The following PHGDH variants were observed in gnomAD, a reference collection of about 807,000 sequenced individuals.
The protein encoded by PHGDH is phosphoglycerate dehydrogenase, also known as D-3-phosphoglycerate dehydrogenase.
Under a neutral mutation model 52.6 loss-of-function variants are expected in PHGDH, and 50 were observed. The ratio of observed to expected loss-of-function variants is 0.95; its 90% CI spans 0.76 to 1.20. PHGDH has a LOEUF of 1.20. Among genes scored for constraint, PHGDH ranks in the 50% most tolerant of loss-of-function variants. PHGDH has a pLI of 0.00. For synonymous variants in PHGDH, 271 were observed against 280.5 expected (o/e 0.97, Z 0.34); for missense variants, 630 against 684.6 (o/e 0.92, Z 0.89).
At position 119,744,077 on chromosome 1, in the gene PHGDH, C is replaced by G; in HGVS notation, c.*37C>G. ...ACTGGTCCCTGCCTCTGGGGCTTTT[C>G]TGAAGAAACCCACCCACTGTGATCA... On this transcript the variant is annotated 3_prime_UTR_variant, in exon 12 of 12. Coordinates refer to ENST00000641023, the MANE Select transcript of PHGDH (RefSeq NM_006623.4). 6.3e-7 allele frequency: 1 copy of G among 1,597,984 alleles called. No individual in the cohort carries two copies. The highest frequency in any genetic ancestry group is 8.6e-7 in the Non-Finnish European group (1 of 1,165,354).
In PHGDH at chr1:119,744,205, C is replaced by A. The variant is rs954680492; in HGVS notation, c.*165C>A. On this transcript the variant is annotated 3_prime_UTR_variant, in exon 12 of 12. Coordinates refer to ENST00000641023, the MANE Select transcript of PHGDH (RefSeq NM_006623.4). ...ACAGCAATAACCGTCTAATAAAGAG[C>A]CTACCCCCAACTCCTTCTGCACTTT... 8.8e-5 allele frequency: 62 copies of A among 700,772 alleles called. 2 individuals carry two copies. The South Asian group carries it at 9.3e-4, about 11-fold the overall frequency. 43.4% of individuals were successfully genotyped at this position (700,772 alleles called of 1,614,324 possible). A position where few individuals can be genotyped will look rare whatever the true frequency, so the allele number is the denominator to read the frequency against.
rs889400111 is a variant in PHGDH, at chr1:119,735,223, C to T, written c.644-72C>T. The stretch of plus-strand genomic sequence containing the variant: ...AGAGCTGGCTCAAGGAAAGGGAAGA[C>T]CTCTGGAAGCCAGGGATGAGCGTGG... On this transcript the variant is annotated intron_variant, in intron 6 of 11. Coordinates refer to ENST00000641023, the MANE Select transcript of PHGDH (RefSeq NM_006623.4). 7 of 1,597,022 alleles carry T rather than the reference C, an allele frequency of 4.4e-6. No individual in the cohort carries two copies. In the South Asian group the frequency reaches 6.6e-5, roughly 15 times the overall value.
chr1:119,744,008 C>T lies in PHGDH; in HGVS notation c.1570C>T (p.His524Tyr). 2.5e-6 allele frequency: 4 copies of T among 1,614,176 alleles called. No individual in the cohort carries two copies. Among genetic ancestry groups the T allele is most frequent in the Non-Finnish European group, 2.5e-6 (3 of 1,179,990 alleles). ...GCCCAGCCTGGAAGCGTGGAAGCAG[C>T]ATGTGACTGAAGCCTTCCAGTTCCA... is the stretch of plus-strand genomic sequence containing the variant. ...LLPSLEAWKQHVTEAFQFHF is the reference protein window; with the variant it reads ...LLPSLEAWKQYVTEAFQFHF The change falls in exon 12 of 12, where the codon CAT becomes TAT. Residue 524 changes from histidine to tyrosine, a missense_variant. Coordinates refer to ENST00000641023, the MANE Select transcript of PHGDH (RefSeq NM_006623.4).
intron 10 of PHGDH, chr1:119,742,472 G>T: frequency 2.0e-6 from 1 of 492,328 alleles, no homozygotes; most frequent in Non-Finnish European, 3.7e-6. Flanking sequence ...CTGATGCCGT[G>T]CAGGAGGCTG....
At chr1:119,718,901 T>C (rs1301727523) in intron 1 of PHGDH, among the ~76,000 whole-genome samples, 2 of 152,100 alleles carry the variant, frequency 1.3e-5, no homozygotes, top group African/African-American at 4.8e-5. Context: ...CATATTATAT[T>C]GGTGATCACA....
rs779065224 is a variant in PHGDH, at chr1:119,744,087, C to T, written c.*47C>T. ...GCCTCTGGGGCTTTTCTGAAGAAACCCACCCACTGTGATCAATAGGGAGAG... is the reference window on the plus strand; with the variant it reads ...GCCTCTGGGGCTTTTCTGAAGAAACTCACCCACTGTGATCAATAGGGAGAG... On this transcript the variant is annotated 3_prime_UTR_variant, in exon 12 of 12. Transcript: ENST00000641023. 5.7e-6 allele frequency: 9 copies of T among 1,571,958 alleles called. No individual in the cohort carries two copies. The highest frequency in any genetic ancestry group is 7.0e-6 in the Non-Finnish European group (8 of 1,141,900).
At chr1:119,738,875 A>G (rs1652061832) in intron 8 of PHGDH, among the ~76,000 whole-genome samples, 1 of 152,166 alleles carries the variant, frequency 6.6e-6, no homozygotes, top group Non-Finnish European at 1.5e-5. Flanking sequence ...CAGGACACAG[A>G]GTTCCATCAA....
In PHGDH at chr1:119,737,260, G is replaced by A. The variant is rs778892967; in HGVS notation, c.939G>A (p.Thr313=). ...FVDMVKGKSL[T]GVVNAQALTS... ...ACATGGTGAAGGGGAAATCTCTCAC[G>A]GGGGTTGTAAGTATCACCACCTGGG... is the stretch of plus-strand genomic sequence containing the variant. The change falls in exon 8 of 12, where the codon ACG becomes ACA. Residue 313 remains threonine (T), a synonymous_variant. Coordinates refer to ENST00000641023, the MANE Select transcript of PHGDH (RefSeq NM_006623.4). 8.1e-6 allele frequency: 13 copies of A among 1,613,374 alleles called. 1 individual carries two copies. The highest frequency in any genetic ancestry group is 6.7e-5 in the Admixed American group (4 of 60,014).
chr1:119,719,233 T>C (rs1651048950), intron 1 of PHGDH, among the ~76,000 whole-genome samples: 1 of 152,184 alleles, frequency 6.6e-6, no homozygotes, highest in African/African-American at 2.4e-5. Context: ...GGTGCCCATG[T>C]GACTTGTATA....
At position 119,721,384 on chromosome 1, in the gene PHGDH, C is replaced by T. The variant is rs1338527152; in HGVS notation, c.290+63C>T. Reference sequence around the variant, plus strand: ...GGGTGAGTGCGGAGACTGACCACACCTAGGGAGAAAAAACTCACTTGAGAG... The same window carrying T: ...GGGTGAGTGCGGAGACTGACCACACTTAGGGAGAAAAAACTCACTTGAGAG... On this transcript the variant is annotated intron_variant, in intron 2 of 11. Coordinates refer to ENST00000641023, the MANE Select transcript of PHGDH (RefSeq NM_006623.4). The T allele has an allele frequency of 3.3e-6, 5 of 1,528,428 alleles. No homozygotes were observed. The East Asian group carries it at 9.1e-5, about 28-fold the overall frequency. 94.7% of individuals were successfully genotyped at this position (1,528,428 alleles called of 1,614,324 possible).
At chr1:119,739,917 C>A (rs914475344) in intron 8 of PHGDH, 1 of 171,172 alleles carries the variant, frequency 5.8e-6, no homozygotes, top group Non-Finnish European at 1.3e-5. Flanking sequence ...GATAATTGAT[C>A]GTAGTGTTTA....
Position 119,741,751 on chromosome 1 carries a change from T to C in PHGDH, c.1079-16T>C. On this transcript the variant is annotated splice_polypyrimidine_tract_variant and intron_variant, in intron 9 of 11. Transcript: ENST00000641023. ...CAACAAACAGTGACCTCATGGTAGC[T>C]TCTCTCTGTCCCCAGGAACATCCCT... 6.2e-7 allele frequency: 1 copy of C among 1,612,912 alleles called. No individual in the cohort carries two copies. The highest frequency in any genetic ancestry group is 8.5e-7 in the Non-Finnish European group (1 of 1,178,898).
In PHGDH at chr1:119,741,886, G is replaced by T. The variant is rs780410413; in HGVS notation, c.1198G>T (p.Ala400Ser). 38 of 1,613,824 alleles carry T rather than the reference G, an allele frequency of 2.4e-5. No individual in the cohort carries two copies. The highest frequency in any genetic ancestry group is 5.3e-5 in the African/African-American group (4 of 74,920). ...GAACGCTAAGCTGCTGGTGAAAGAG[G>T]CTGGCCTCAATGTGCGCCCCTCTCC... ...LVNAKLLVKEAGLNVTTSHSP... is the reference protein window; with the variant it reads ...LVNAKLLVKESGLNVTTSHSP... The change falls in exon 10 of 12, where the codon GCT (alanine) becomes TCT (serine). Residue 400 changes from alanine to serine, a missense_variant. By Grantham distance (99) the Ala-to-Ser change is moderately conservative (BLOSUM62 1). Coordinates refer to ENST00000641023, the MANE Select transcript of PHGDH (RefSeq NM_006623.4).
Position 119,740,786 on chromosome 1 carries a change from CCT to C in PHGDH, c.1078+271_1078+272del, listed in dbSNP as rs1313683829. On this transcript the variant is annotated intron_variant, in intron 9 of 11. Transcript: ENST00000641023. ...CTAGATATTTTGGGTGCAAGAGAAA[CCT>C]CTACGAGAGAGAGAGTTTCATGCGA... Among the ~76,000 whole-genome samples the C allele has an allele frequency of 2.6e-5, 4 of 152,138 alleles. No individual in the cohort carries two copies. The East Asian group carries it at 7.7e-4, about 29-fold the overall frequency.
chr1:119,728,891 C>T (rs917930410), intron 5 of PHGDH, among the ~76,000 whole-genome samples: 2 of 152,170 alleles, frequency 1.3e-5, no homozygotes, highest in Non-Finnish European at 2.9e-5. Context: ...ATGGAACTCT[C>T]CCTTTTTCTA....
intron 8 of PHGDH, chr1:119,740,066 T>C (rs1652119896): frequency 2.8e-6 from 1 of 355,180 alleles, no homozygotes; most frequent in Non-Finnish European, 5.4e-6. Flanking sequence ...CTCACCTTTA[T>C]TGTGCTGTCC....
At chr1:119,718,511 G>A (rs976764470) in intron 1 of PHGDH, among the ~76,000 whole-genome samples, 7 of 152,186 alleles carry the variant, frequency 4.6e-5, no homozygotes, top group Non-Finnish European at 5.9e-5. Flanking sequence ...TTGACATCTT[G>A]GCAGGTCTAC....
chr1:119,713,549 C>G (rs2101139382), intron 1 of PHGDH: 1 of 152,432 alleles, frequency 6.6e-6, no homozygotes, highest in African/African-American at 2.4e-5. Context: ...CATCCAGCTC[C>G]CTAACCTTTG....
In PHGDH at chr1:119,742,563, G is replaced by C. The variant is rs1021512501; in HGVS notation, c.1210-244G>C. On this transcript the variant is annotated intron_variant, in intron 10 of 11. Transcript: ENST00000641023. ...TTCTTTCCTCCCTGTTTTCCTCCAA[G>C]CCTTCGCCTGTGCCTGGCAGATCTC... is the stretch of plus-strand genomic sequence containing the variant. 5.0e-6 allele frequency: 3 copies of C among 599,214 alleles called. No homozygotes were observed. The African/African-American group carries it at 5.6e-5, about 11-fold the overall frequency. 37.1% of individuals were successfully genotyped at this position (599,214 alleles called of 1,614,324 possible). A position where few individuals can be genotyped will look rare whatever the true frequency, so the allele number is the denominator to read the frequency against.
Sources: allele counts gnomAD v4.1 joint callset (sites outside exome capture counted in the v4.1 genomes callset), GRCh38; gene constraint gnomAD v4.1.1; transcripts MANE v1.5; gene names NCBI Gene and HGNC (gene_info 2026-07-23, HGNC 2026-07-21).